The following CRACD variants were observed in gnomAD, a reference collection of about 807,000 sequenced individuals.
CRACD encodes capping protein-inhibiting regulator of actin dynamics.
Under a neutral mutation model 106.8 loss-of-function variants are expected in CRACD, and 56 were observed. The ratio of observed to expected loss-of-function variants is 0.52; its 90% CI spans 0.42 to 0.66. The LOEUF is 0.66. CRACD is among the 30% of genes least tolerant of loss of function. CRACD has a pLI of 0.00. For missense variants in CRACD, 1,730 were observed against 1,623.2 expected, an observed-to-expected ratio of 1.07 and a Z score of -1.13; for synonymous variants, 754 against 670.8, an observed-to-expected ratio of 1.12 and a Z score of -1.92.
chr4:56,161,630 T>G (rs1376623783), intron 1 of CRACD, among the ~76,000 whole-genome samples: 1 of 152,138 alleles, frequency 6.6e-6, no homozygotes, highest in African/African-American at 2.4e-5. Flanking sequence ...CTGCTGATTT[T>G]TATGTTTTTA....
intron 3 of CRACD, among the ~76,000 whole-genome samples, chr4:56,286,123 TG>T (rs1743324729): frequency 6.6e-6 from 1 of 152,148 alleles, no homozygotes. Context: ...CTAGGTACAG[TG>T]GCTCATGACC....
chr4:56,275,089 A>T (rs1742602200), intron 3 of CRACD, among the ~76,000 whole-genome samples: 1 of 152,196 alleles, frequency 6.6e-6, no homozygotes, highest in Non-Finnish European at 1.5e-5. Flanking sequence ...ATGAGAACTC[A>T]TGACACAAAG....
chr4:56,077,149 T>C (rs1420852281), intron 1 of CRACD, among the ~76,000 whole-genome samples: 3 of 152,050 alleles, frequency 2.0e-5, no homozygotes, highest in African/African-American at 7.2e-5. Flanking sequence ...AGAAAAGAGG[T>C]TTAATTGACT....
At chr4:56,121,955 A>G (rs971980719) in intron 1 of CRACD, among the ~76,000 whole-genome samples, 14 of 152,208 alleles carry the variant, frequency 9.2e-5, no homozygotes, top group African/African-American at 2.4e-4. Context: ...ATTGTTTTCT[A>G]TTGCCAGTGC....
intron 2 of CRACD, among the ~76,000 whole-genome samples, chr4:56,233,500 G>A (rs1015572955): frequency 1.3e-5 from 2 of 152,042 alleles, no homozygotes; most frequent in Non-Finnish European, 2.9e-5. Flanking sequence ...TCAGTTGTCA[G>A]TATATACATG....
chr4:56,120,600 T>G (rs879920994), intron 1 of CRACD, among the ~76,000 whole-genome samples: 7 of 152,212 alleles, frequency 4.6e-5, no homozygotes, highest in Non-Finnish European at 4.4e-5. Context: ...CTTAAATATC[T>G]TTACCAACTT....
chr4:56,117,981 A>T (rs1465170358), intron 1 of CRACD, among the ~76,000 whole-genome samples: 2 of 151,108 alleles, frequency 1.3e-5, no homozygotes, highest in East Asian at 3.9e-4. Context: ...CTGGTCTCGA[A>T]CTCCTGACCT....
intron 1 of CRACD, among the ~76,000 whole-genome samples, chr4:56,103,549 C>A (rs186991853): frequency 7.0e-4 from 106 of 152,256 alleles, no homozygotes; most frequent in Non-Finnish European, 1.1e-3. Flanking sequence ...TCGTTCCCTC[C>A]CTCAAGTGAT....
At chr4:56,095,277 G>A (rs547590093) in intron 1 of CRACD, among the ~76,000 whole-genome samples, 2 of 152,264 alleles carry the variant, frequency 1.3e-5, no homozygotes, top group African/African-American at 4.8e-5. Context: ...GCTTGAGCCC[G>A]GGTGGTTGGG....
At chr4:56,249,274 G>C (rs1740899691) in intron 2 of CRACD, among the ~76,000 whole-genome samples, 1 of 147,360 alleles carries the variant, frequency 6.8e-6, no homozygotes, top group African/African-American at 2.5e-5. Flanking sequence ...ATTCTAACTG[G>C]TGTGAGATGG....
intron 3 of CRACD, among the ~76,000 whole-genome samples, chr4:56,276,612 C>T (rs1245605792): frequency 6.6e-6 from 1 of 152,128 alleles, no homozygotes; most frequent in African/African-American, 2.4e-5. Flanking sequence ...GGTAATTTGC[C>T]TAAGGTCATA....
At chr4:56,078,054 A>G (rs1297056970) in intron 1 of CRACD, among the ~76,000 whole-genome samples, 1 of 152,244 alleles carries the variant, frequency 6.6e-6, no homozygotes, top group Non-Finnish European at 1.5e-5. Context: ...GAAAAGGAAT[A>G]TCCCCAAATC....
intron 1 of CRACD, among the ~76,000 whole-genome samples, chr4:56,088,050 T>TAACA (rs2109816274): frequency 1.3e-5 from 2 of 152,156 alleles, no homozygotes; most frequent in African/African-American, 4.8e-5. Flanking sequence ...AAGAATTTTC[T>TAACA]AACACTTACA....
chr4:56,295,708 T>C (rs548574605), intron 3 of CRACD, among the ~76,000 whole-genome samples: 1 of 95,540 alleles, frequency 1.0e-5, no homozygotes, highest in South Asian at 3.6e-4. Flanking sequence ...TATATATATA[T>C]ATATGCCCTT....
chr4:56,308,761 G>A (rs1744930824), intron 5 of CRACD: 2 of 985,362 alleles, frequency 2.0e-6, no homozygotes, highest in Non-Finnish European at 1.2e-6. Flanking sequence ...ATCTCTCCCG[G>A]CAGCTCTAAA....
At chr4:56,271,985 C>T (rs1302904415) in intron 2 of CRACD, among the ~76,000 whole-genome samples, 2 of 152,180 alleles carry the variant, frequency 1.3e-5, no homozygotes, top group Admixed American at 6.5e-5. Context: ...CTCAAATGCT[C>T]CTCCCACCTC....
intron 1 of CRACD, among the ~76,000 whole-genome samples, chr4:56,067,669 G>A (rs966662032): frequency 1.2e-4 from 19 of 152,064 alleles, no homozygotes; most frequent in African/African-American, 4.3e-4. Context: ...TCCACCTCCC[G>A]GGTTCAAGCG....
intron 6 of CRACD, chr4:56,310,939 G>T: frequency 1.8e-6 from 1 of 550,320 alleles, no homozygotes; most frequent in Non-Finnish European, 3.3e-6. Context: ...ACTGAACTCT[G>T]CTCTGAAAAC....
chr4:56,241,883 C>T (rs998613559), intron 2 of CRACD, among the ~76,000 whole-genome samples: 3 of 152,102 alleles, frequency 2.0e-5, no homozygotes, highest in Non-Finnish European at 2.9e-5. Context: ...CATGGCCTCA[C>T]GTGAGCAAAA....
Sources: gnomAD v4.1 joint callset for allele counts (sites outside exome capture counted in the v4.1 genomes callset) on GRCh38, gnomAD v4.1.1 for gene constraint, MANE v1.5 for transcripts, NCBI Gene and HGNC (gene_info 2026-07-23, HGNC 2026-07-21) for gene names.